Variants in FAM50B observed in about 807,000 individuals in gnomAD.
FAM50B encodes protein FAM50B.
In FAM50B, 9 loss-of-function variants were observed where a neutral mutation model predicts 25.4. That is an observed-to-expected ratio of 0.35 (90% CI 0.21 to 0.62). FAM50B has a LOEUF of 0.62. Among genes scored for constraint, FAM50B ranks in the 20% least tolerant of loss-of-function variants. The pLI, the probability that FAM50B is intolerant of heterozygous loss-of-function variation, is 0.73. For missense variants in FAM50B, 372 were observed against 477.9 expected, an observed-to-expected ratio of 0.78 and a Z score of 2.07; for synonymous variants, 212 against 204.3, an observed-to-expected ratio of 1.04 and a Z score of -0.32.
chr6:3,844,677 C>CT (rs1476650328), upstream of FAM50B, among the ~76,000 whole-genome samples: 1 of 152,080 alleles, frequency 6.6e-6, no homozygotes, highest in Non-Finnish European at 1.5e-5. Flanking sequence ...CACCATTGCA[C>CT]TACTCCAGCC....
At chr6:3,838,846 A>G in the FAM50B span, among the ~76,000 whole-genome samples, 1 of 150,328 alleles carries the variant, frequency 6.7e-6, no homozygotes, top group Non-Finnish European at 1.5e-5. Context: ...ATCTCAAAAA[A>G]AAAAAAAAAA....
rs1038694972 is a variant in FAM50B, at chr6:3,850,324, A to G, written c.513A>G (p.Gln171=). The G allele has an allele frequency of 3.1e-6, 5 of 1,613,316 alleles. No individual in the cohort carries two copies. The highest frequency in any genetic ancestry group is 4.2e-6 in the Non-Finnish European group (5 of 1,179,816). Reference sequence around the variant, plus strand: ...ACCGGCTCCGAGAGGAGCTGCGCCAAGAGTGGGAGGCGCAGCGCGAGAAAG... The same window carrying G: ...ACCGGCTCCGAGAGGAGCTGCGCCAGGAGTGGGAGGCGCAGCGCGAGAAAG... The part of the protein sequence containing the change: ...EENRLREELR[Q]EWEAQREKVK... The change falls in exon 2 of 2, where the codon CAA becomes CAG. Residue 171 remains glutamine, a synonymous_variant. Transcript: ENST00000648326.
chr6:3,837,708 G>A, the FAM50B span, among the ~76,000 whole-genome samples: 6 of 152,208 alleles, frequency 3.9e-5, no homozygotes, highest in Non-Finnish European at 8.8e-5. Flanking sequence ...GGCATCTGGT[G>A]AGGGCCTTCT....
In FAM50B at chr6:3,849,452, C is replaced by T. The variant is rs553809365; in HGVS notation, c.-58C>T. On this transcript the variant is annotated 5_prime_UTR_variant, in exon 1 of 2. Transcript: ENST00000648326. ...TGGGTGGTTCTCGTGGAGGTCAGCT[C>T]CCGCGTGTCTCCGCTCGACAGGGTG... The T allele has an allele frequency of 9.3e-6, 2 of 214,690 alleles. No homozygotes were observed. Among genetic ancestry groups the T allele is most frequent in the Non-Finnish European group, 1.9e-5 (2 of 107,632 alleles). The allele number at this position is 214,690 out of a possible 1,614,324, so 13.3% of individuals were successfully genotyped here. A position where few individuals can be genotyped will look rare whatever the true frequency, so the allele number is the denominator to read the frequency against.
chr6:3,839,564 G>A, the FAM50B span, among the ~76,000 whole-genome samples: 279 of 152,232 alleles, frequency 1.8e-3, 2 homozygotes, highest in African/African-American at 5.6e-3. Flanking sequence ...GCTTATAGTG[G>A]GGATCACTTG....
rs1762213863 is a variant in FAM50B, at chr6:3,850,971, T to TAGAA, written c.*182_*183insAGAA. The TAGAA allele has an allele frequency of 1.9e-6, 2 of 1,027,494 alleles. No individual in the cohort carries two copies. The highest frequency in any genetic ancestry group is 1.4e-6 in the Non-Finnish European group (1 of 716,330). The allele number at this position is 1,027,494 out of a possible 1,614,324, so 63.6% of individuals were successfully genotyped here. ...TATGCTTTGGTTGCTTGGTTGGTCT[T>TAGAA]TTCTGAGTATTTTAGTGTTGCCACC... On this transcript the variant is annotated 3_prime_UTR_variant, in exon 2 of 2. Transcript: ENST00000648326.
chr6:3,850,695 G>A lies in FAM50B; in HGVS notation c.884G>A (p.Arg295His), dbSNP rs757035966. 2 of 1,614,102 alleles carry A rather than the reference G, an allele frequency of 1.2e-6. No homozygotes were observed. The highest frequency in any genetic ancestry group is 1.7e-6 in the Non-Finnish European group (2 of 1,180,030). The change falls in exon 2 of 2, where the codon CGC becomes CAC. Residue 295 changes from arginine (R) to histidine (H), a missense_variant. Transcript: ENST00000648326. ...TCGCACGCGGGCAAGGTGGTGCTGC[G>A]CAGCTGGTACGAGAAGAACAAGCAC... Reference protein sequence around the residue: ...DESHAGKVVLRSWYEKNKHIF... With the variant: ...DESHAGKVVLHSWYEKNKHIF...
At chr6:3,846,331 TTATAC>T (rs1197275167), upstream of FAM50B, among the ~76,000 whole-genome samples, 1 of 152,238 alleles carries the variant, frequency 6.6e-6, no homozygotes, top group Non-Finnish European at 1.5e-5. Context: ...AAAGTTATGT[TTATAC>T]TATACTATAG....
upstream of FAM50B, among the ~76,000 whole-genome samples, chr6:3,844,480 G>C (rs1038838077): frequency 1.3e-5 from 2 of 152,192 alleles, no homozygotes; most frequent in African/African-American, 4.8e-5. Context: ...GGAGGCCGAG[G>C]AGGGCAGATC....
At position 3,850,342 on chromosome 6, in the gene FAM50B, C is replaced by G; in HGVS notation, c.531C>G (p.Arg177=). The change falls in exon 2 of 2, where the codon CGC becomes CGG. Residue 177 remains arginine (R), a synonymous_variant. Coordinates refer to ENST00000648326, the MANE Select transcript of FAM50B (RefSeq NM_012135.3). Reference sequence around the variant, plus strand: ...TGCGCCAAGAGTGGGAGGCGCAGCGCGAGAAAGTGAAGGACGAGGAGATGG... The same window carrying G: ...TGCGCCAAGAGTGGGAGGCGCAGCGGGAGAAAGTGAAGGACGAGGAGATGG... ...EELRQEWEAQ[R]EKVKDEEMEV... 1 of 1,613,250 alleles carries G rather than the reference C, an allele frequency of 6.2e-7. No homozygotes were observed. The highest frequency in any genetic ancestry group is 8.5e-7 in the Non-Finnish European group (1 of 1,179,834).
chr6:3,843,980 T>C, the FAM50B span, among the ~76,000 whole-genome samples: 1 of 152,190 alleles, frequency 6.6e-6, no homozygotes. Flanking sequence ...AGCTGTTTCA[T>C]TTCAAGGCTG....
chr6:3,843,453 C>T, the FAM50B span, among the ~76,000 whole-genome samples: 1 of 152,070 alleles, frequency 6.6e-6, no homozygotes, highest in South Asian at 2.1e-4. Flanking sequence ...TACTTTGATA[C>T]AAATGAAAGA....
At chr6:3,838,391 C>A in the FAM50B span, among the ~76,000 whole-genome samples, 1 of 152,034 alleles carries the variant, frequency 6.6e-6, no homozygotes, top group African/African-American at 2.4e-5. Flanking sequence ...TGTTTCCATA[C>A]AATCGGGCGC....
chr6:3,850,880 C>T lies in FAM50B; in HGVS notation c.*91C>T. 1.3e-6 allele frequency: 2 copies of T among 1,521,858 alleles called. No individual in the cohort carries two copies. Among genetic ancestry groups the T allele is most frequent in the Non-Finnish European group, 1.8e-6 (2 of 1,132,744 alleles). 94.3% of individuals were successfully genotyped at this position (1,521,858 alleles called of 1,614,324 possible). On this transcript the variant is annotated 3_prime_UTR_variant, in exon 2 of 2. Transcript: ENST00000648326. ...TCACTTGATTTCGTGACCTTGATTT[C>T]TTCCCCCAAATTTAATAAAGACAGA...
chr6:3,849,331 C>T (rs1013531843), upstream of FAM50B: 3 of 154,768 alleles, frequency 1.9e-5, no homozygotes, highest in African/African-American at 4.8e-5. Context: ...GCCTGGCACT[C>T]TCCTCAGGGC....
chr6:3,850,944 G>C lies in FAM50B; in HGVS notation c.*155G>C, dbSNP rs1762213390. ...TCACATTGGTTGTGCTATTGCTGAT[G>C]TTATGCTTTGGTTGCTTGGTTGGTC... On this transcript the variant is annotated 3_prime_UTR_variant, in exon 2 of 2. Coordinates refer to ENST00000648326, the MANE Select transcript of FAM50B (RefSeq NM_012135.3). 1 of 1,267,096 alleles carries C rather than the reference G, an allele frequency of 7.9e-7. No homozygotes were observed. Among genetic ancestry groups the C allele is most frequent in the Admixed American group, 2.8e-5 (1 of 35,112 alleles). 78.5% of individuals were successfully genotyped at this position (1,267,096 alleles called of 1,614,324 possible). A position where few individuals can be genotyped will look rare whatever the true frequency, so the allele number is the denominator to read the frequency against.
At chr6:3,833,715 T>C in the FAM50B span, 1 of 152,208 alleles carries the variant, frequency 6.6e-6, no homozygotes, top group East Asian at 1.9e-4. Context: ...TAAGACAGCA[T>C]GTAGCCCCTG....
chr6:3,849,605 CAAAT>C (rs1423773207), intron 1 of FAM50B, 119 bp downstream of exon 1: 1 of 892,206 alleles, frequency 1.1e-6, no homozygotes, highest in African/African-American at 1.7e-5. Flanking sequence ...TTATTGAGGT[CAAAT>C]AAAATGCTGG....
chr6:3,847,192 C>T (rs530452582), upstream of FAM50B, among the ~76,000 whole-genome samples: 4 of 152,232 alleles, frequency 2.6e-5, no homozygotes, highest in African/African-American at 9.6e-5. Context: ...GAGAGTCAAC[C>T]TGTCCTTTGA....
Sources: allele counts gnomAD v4.1 joint callset (sites outside exome capture counted in the v4.1 genomes callset), GRCh38; gene constraint gnomAD v4.1.1; transcripts MANE v1.5; gene names NCBI Gene and HGNC (gene_info 2026-07-23, HGNC 2026-07-21).